APBA1: variants seen among roughly 807,000 people sequenced by gnomAD.
APBA1 encodes amyloid beta precursor protein binding family A member 1.
In APBA1, 55 loss-of-function variants were observed where a neutral mutation model predicts 86.6. The ratio of observed to expected loss-of-function variants is 0.64; its 90% CI spans 0.51 to 0.80. APBA1 has a LOEUF of 0.80. Among genes scored for constraint, APBA1 ranks in the 30% least tolerant of loss-of-function variants. The pLI, the probability that APBA1 is intolerant of heterozygous loss-of-function variation, is 0.00. For synonymous variants in APBA1, 511 were observed against 493.9 expected, an observed-to-expected ratio of 1.03 and a Z score of -0.46; for missense variants, 1,090 against 1,183.0, an observed-to-expected ratio of 0.92 and a Z score of 1.15.
intron 1 of APBA1, among the ~76,000 whole-genome samples, chr9:69,616,981 A>G (rs1328686705): frequency 1.3e-5 from 2 of 152,184 alleles, no homozygotes; most frequent in African/African-American, 4.8e-5. Context: ...ACTATCACAA[A>G]AGAATCTGAA....
intron 11 of APBA1, 75 bp from the exon 12 acceptor site, chr9:69,432,751 C>A (rs1366952567): frequency 2.2e-6 from 3 of 1,352,748 alleles, no homozygotes; most frequent in Admixed American, 5.5e-5. Context: ...TTCCTGAAAG[C>A]CCCCTGCCCC....
At chr9:69,432,270 C>G (rs187014411) in intron 12 of APBA1, among the ~76,000 whole-genome samples, 17 of 152,306 alleles carry the variant, frequency 1.1e-4, no homozygotes, top group Admixed American at 4.6e-4. Flanking sequence ...CAACAGAAAG[C>G]TGAGTGTTAA....
At chr9:69,540,052 G>A (rs564675754) in intron 1 of APBA1, among the ~76,000 whole-genome samples, 124 of 151,982 alleles carry the variant, frequency 8.2e-4, no homozygotes, top group African/African-American at 2.9e-3. Context: ...CTCGGGAGGC[G>A]GAGGTTGCAG....
rs562636004 is a variant in APBA1 at position 69,565,914 on chromosome 9, G to A, written c.-69-48635C>T. Among the ~76,000 whole-genome samples, 49 of 152,338 alleles carry A rather than the reference G, an allele frequency of 3.2e-4. No individual in the cohort carries two copies. The South Asian group carries it at 8.3e-3, about 26-fold the overall frequency. Reference sequence around the variant, plus strand: ...CCTCTGTTTAGAACGCTTTGATGGCGTCTACGGCTCTCAGAGTGAGGAGCA... The same window carrying A: ...CCTCTGTTTAGAACGCTTTGATGGCATCTACGGCTCTCAGAGTGAGGAGCA... On this transcript the variant is annotated intron_variant, in intron 1 of 12. Transcript: ENST00000265381.
At chr9:69,620,708 T>C (rs922832301) in intron 1 of APBA1, among the ~76,000 whole-genome samples, 29 of 152,026 alleles carry the variant, frequency 1.9e-4, no homozygotes, top group Non-Finnish European at 2.1e-4. Context: ...AGAGACAGAG[T>C]GCCACCTCTT....
At chr9:69,658,927 A>T (rs1368025301) in intron 1 of APBA1, among the ~76,000 whole-genome samples, 2 of 152,174 alleles carry the variant, frequency 1.3e-5, no homozygotes, top group African/African-American at 4.8e-5. Context: ...AGGCTGACTT[A>T]CACTCCAGAG....
chr9:69,477,077 C>T (rs975740930), intron 2 of APBA1, among the ~76,000 whole-genome samples: 4 of 152,210 alleles, frequency 2.6e-5, no homozygotes, highest in Admixed American at 1.3e-4. Context: ...TCAGGTGAGC[C>T]ACAGAGATGC....
At chr9:69,527,455 T>C (rs1836362742) in intron 1 of APBA1, among the ~76,000 whole-genome samples, 1 of 152,100 alleles carries the variant, frequency 6.6e-6, no homozygotes, top group African/African-American at 2.4e-5. Context: ...TTTTACTTAC[T>C]ATATTTCTAG....
At chr9:69,477,477 C>T (rs1195825403) in intron 2 of APBA1, among the ~76,000 whole-genome samples, 4 of 119,334 alleles carry the variant, frequency 3.4e-5, no homozygotes, top group East Asian at 4.9e-4. Context: ...CCTACGCCCA[C>T]GGAGTCTCAC....
rs888108969 is a variant in APBA1, at chr9:69,549,900, T to A, written c.-69-32621A>T. On this transcript the variant is annotated intron_variant, in intron 1 of 12. Coordinates refer to ENST00000265381, the MANE Select transcript of APBA1 (RefSeq NM_001163.4). ...AAATTGGAACTGAGTTTTCCAATCA[T>A]TTAGTACAGGCTTTCGATCCTAAAG... Among the ~76,000 whole-genome samples, 7 of 152,334 alleles carry A rather than the reference T, an allele frequency of 4.6e-5. No homozygotes were observed. The East Asian group carries it at 1.3e-3, about 29-fold the overall frequency.
intron 1 of APBA1, among the ~76,000 whole-genome samples, chr9:69,669,800 T>TCC (rs1823912582): frequency 6.6e-6 from 1 of 152,046 alleles, no homozygotes; most frequent in Admixed American, 6.6e-5. Flanking sequence ...ATAAAAATGA[T>TCC]CACATTTACA....
At chr9:69,503,662 T>C (rs764722093) in intron 2 of APBA1, among the ~76,000 whole-genome samples, 1 of 152,160 alleles carries the variant, frequency 6.6e-6, no homozygotes, top group East Asian at 1.9e-4. Context: ...TAGTCTTCTA[T>C]GGACTGATCA....
rs1488759001 is a variant in APBA1, at chr9:69,669,726, A to C, written c.-70+2427T>G. On this transcript the variant is annotated intron_variant, in intron 1 of 12. Coordinates refer to ENST00000265381, the MANE Select transcript of APBA1 (RefSeq NM_001163.4). ...GAGTTTGAGGCTGCAGTGAGCTATG[A>C]TCACACTACTGCACTCCAGCCTGGG... Among the ~76,000 whole-genome samples, 3 of 152,212 alleles carry C rather than the reference A, an allele frequency of 2.0e-5. No individual in the cohort carries two copies. The East Asian group carries it at 5.8e-4, about 29-fold the overall frequency.
intron 1 of APBA1, among the ~76,000 whole-genome samples, chr9:69,631,042 C>T (rs959119391): frequency 1.3e-5 from 2 of 152,150 alleles, no homozygotes; most frequent in Non-Finnish European, 2.9e-5. Context: ...TTAACAGCAG[C>T]CTTGCAAGAC....
chr9:69,500,936 A>ATT (rs1333619889), intron 2 of APBA1, among the ~76,000 whole-genome samples: 1 of 152,114 alleles, frequency 6.6e-6, no homozygotes, highest in African/African-American at 2.4e-5. Flanking sequence ...GCCAAATCGC[A>ATT]TTTCATAATT....
At chr9:69,514,703 G>A (rs767207506) in intron 2 of APBA1, among the ~76,000 whole-genome samples, 5 of 152,142 alleles carry the variant, frequency 3.3e-5, no homozygotes, top group Non-Finnish European at 5.9e-5. Flanking sequence ...GTGGCCAGCG[G>A]TTCGAGACCA....
At chr9:69,567,339 G>GC (rs555461234) in intron 1 of APBA1, among the ~76,000 whole-genome samples, 5 of 151,924 alleles carry the variant, frequency 3.3e-5, no homozygotes, top group Non-Finnish European at 5.9e-5. Context: ...AATTCCTGCC[G>GC]CCCCCACCGC....
chr9:69,489,779 C>A (rs1282700725), intron 2 of APBA1, among the ~76,000 whole-genome samples: 1 of 151,974 alleles, frequency 6.6e-6, no homozygotes, highest in East Asian at 1.9e-4. Context: ...AATGAGATAC[C>A]ATCTCACACC....
chr9:69,494,059 A>G (rs1384220045), intron 2 of APBA1, among the ~76,000 whole-genome samples: 9 of 152,092 alleles, frequency 5.9e-5, no homozygotes, highest in African/African-American at 1.4e-4. Context: ...TTCAGTCTCA[A>G]TTTAAACTAT....
Sources: gnomAD v4.1 joint callset for allele counts (sites outside exome capture counted in the v4.1 genomes callset) on GRCh38, gnomAD v4.1.1 for gene constraint, MANE v1.5 for transcripts, NCBI Gene and HGNC (gene_info 2026-07-23, HGNC 2026-07-21) for gene names.